MIA2: variants seen among roughly 807,000 people sequenced by gnomAD.
MIA2 encodes MIA SH3 domain ER export factor 2.
Under a neutral mutation model 167.8 loss-of-function variants are expected in MIA2, and 127 were observed. The ratio of observed to expected loss-of-function variants is 0.76; its 90% CI spans 0.66 to 0.88. MIA2 has a LOEUF of 0.88. MIA2 is among the 40% of genes least tolerant of loss of function. The pLI is 0.00. For missense variants in MIA2, 1,690 were observed against 1,624.7 expected (o/e 1.04, Z -0.69); for synonymous variants, 552 against 541.9 (o/e 1.02, Z -0.26).
chr14:39,289,862 C>T (rs2060489549), intron 9 of MIA2, among the ~76,000 whole-genome samples: 1 of 152,174 alleles, frequency 6.6e-6, no homozygotes, highest in Admixed American at 6.5e-5. Context: ...GAATCTGTGT[C>T]TTGTGTCTTA....
chr14:39,295,801 G>A (rs1233238000), intron 13 of MIA2, among the ~76,000 whole-genome samples: 2 of 152,058 alleles, frequency 1.3e-5, no homozygotes, highest in South Asian at 2.1e-4. Flanking sequence ...CTCGTGATCC[G>A]CCTGCCTCGG....
chr14:39,379,570 G>A (rs1290254194), intron 23 of MIA2, among the ~76,000 whole-genome samples: 4 of 151,402 alleles, frequency 2.6e-5, no homozygotes, highest in Non-Finnish European at 5.9e-5. Flanking sequence ...TTGCAAGCTA[G>A]GCTGGGGGTG....
chr14:39,276,659 G>A (rs2058046069), intron 6 of MIA2: 4 of 331,584 alleles, frequency 1.2e-5, no homozygotes, highest in Non-Finnish European at 2.3e-5. Context: ...AGGTCACTCA[G>A]TTTCTTTCTT....
chr14:39,317,333 G>A (rs1325030161), intron 21 of MIA2, among the ~76,000 whole-genome samples: 1 of 152,148 alleles, frequency 6.6e-6, no homozygotes, highest in Non-Finnish European at 1.5e-5. Context: ...ACGGGTCTGG[G>A]CAGAAGACAG....
chr14:39,359,537 T>G (rs1253898650), intron 23 of MIA2, among the ~76,000 whole-genome samples: 1 of 152,156 alleles, frequency 6.6e-6, no homozygotes, highest in Non-Finnish European at 1.5e-5. Flanking sequence ...TGGCTCACAC[T>G]CTGTGTGCTG....
At chr14:39,321,842 C>A (rs992070653) in intron 24 of MIA2, among the ~76,000 whole-genome samples, 3 of 151,076 alleles carry the variant, frequency 2.0e-5, no homozygotes, top group African/African-American at 7.3e-5. Context: ...CTCACTGCAA[C>A]CTCTGCCTCC....
At chr14:39,271,280 G>T (rs1018147428) in intron 6 of MIA2, among the ~76,000 whole-genome samples, 1 of 152,018 alleles carries the variant, frequency 6.6e-6, no homozygotes, top group Non-Finnish European at 1.5e-5. Flanking sequence ...AAATTTAAGG[G>T]TTTATTTCTG....
At chr14:39,347,687 T>TA in intron 26 of MIA2, 26 bp from the exon 27 acceptor site, 3 of 1,606,902 alleles carry the variant, frequency 1.9e-6, no homozygotes, top group South Asian at 2.2e-5. Flanking sequence ...ATCATGTACT[T>TA]TTCATGGTTT....
chr14:39,379,603 G>T (rs2075112372), intron 23 of MIA2, among the ~76,000 whole-genome samples: 1 of 151,964 alleles, frequency 6.6e-6, no homozygotes, highest in South Asian at 2.1e-4. Flanking sequence ...TGTAATCCCA[G>T]CACTTTGGGA....
chr14:39,347,787 GT>G lies in MIA2; in HGVS notation c.3837+17del, dbSNP rs1295135069. 6.7e-7 allele frequency: 1 copy of G among 1,483,896 alleles called. No homozygotes were observed. Among genetic ancestry groups the G allele is most frequent in the African/African-American group, 1.4e-5 (1 of 70,974 alleles). 91.9% of individuals were successfully genotyped at this position (1,483,896 alleles called of 1,614,324 possible). A position where few individuals can be genotyped will look rare whatever the true frequency, so the allele number is the denominator to read the frequency against. ...TGATCTTGGTGTAAGTATTGAAAGAGTGGAATTGTATGCATGTATTCAGAAG... is the reference window on the plus strand; with the variant it reads ...TGATCTTGGTGTAAGTATTGAAAGAGGGAATTGTATGCATGTATTCAGAAG... On this transcript the variant is annotated intron_variant, in intron 27 of 28. Coordinates refer to ENST00000640607, the MANE Select transcript of MIA2 (RefSeq NM_001329214.4).
At chr14:39,314,959 A>G (rs559809334) in intron 20 of MIA2, 160 bp downstream of exon 20, 1 of 503,380 alleles carries the variant, frequency 2.0e-6, no homozygotes, top group Non-Finnish European at 3.2e-6. Flanking sequence ...CCCAGGAGCC[A>G]AAGATTCTGA....
chr14:39,364,187 GTC>G (rs1187138766), intron 23 of MIA2, among the ~76,000 whole-genome samples: 4 of 152,064 alleles, frequency 2.6e-5, no homozygotes, highest in African/African-American at 9.7e-5. Context: ...GTGAAACCCT[GTC>G]TCTACTAAAA....
chr14:39,369,791 C>T (rs2074897997), intron 23 of MIA2, among the ~76,000 whole-genome samples: 3 of 152,032 alleles, frequency 2.0e-5, no homozygotes, highest in South Asian at 2.1e-4. Context: ...GAAGTGATAG[C>T]GACATGAATA....
At chr14:39,372,010 A>G (rs1255744226) in intron 23 of MIA2, among the ~76,000 whole-genome samples, 1 of 151,990 alleles carries the variant, frequency 6.6e-6, no homozygotes, top group East Asian at 1.9e-4. Flanking sequence ...GGATGGCTCT[A>G]ACTCTTCTGT....
At chr14:39,320,841 T>TGATG in intron 23 of MIA2, 87 bp from the exon 24 acceptor site, 2 of 1,419,784 alleles carry the variant, frequency 1.4e-6, no homozygotes, top group Non-Finnish European at 1.9e-6. Context: ...TAGGATGACC[T>TGATG]GATGGTAATT....
chr14:39,253,540 G>C (rs1338133306), intron 6 of MIA2: 1 of 245,000 alleles, frequency 4.1e-6, no homozygotes, highest in Non-Finnish European at 7.7e-6. Flanking sequence ...GCTGAGGCAG[G>C]AGGATCCTTT....
At chr14:39,330,555 G>A (rs543043522) in intron 25 of MIA2, among the ~76,000 whole-genome samples, 1 of 152,034 alleles carries the variant, frequency 6.6e-6, no homozygotes, top group Admixed American at 6.5e-5. Context: ...GTGATGTTTG[G>A]GTGTTGATTT....
At chr14:39,242,033 G>C (rs763947782) in intron 3 of MIA2, among the ~76,000 whole-genome samples, 1 of 152,208 alleles carries the variant, frequency 6.6e-6, no homozygotes, top group Non-Finnish European at 1.5e-5. Flanking sequence ...CATTAGGCCT[G>C]AGATTAAACA....
intron 23 of MIA2, among the ~76,000 whole-genome samples, chr14:39,358,880 A>G (rs2074602726): frequency 6.6e-6 from 1 of 152,198 alleles, no homozygotes; most frequent in South Asian, 2.1e-4. Context: ...ATTGGTGAAC[A>G]GCCAATGTTG....
Sources: gnomAD v4.1 joint callset for allele counts (sites outside exome capture counted in the v4.1 genomes callset) on GRCh38, gnomAD v4.1.1 for gene constraint, MANE v1.5 for transcripts, NCBI Gene and HGNC (gene_info 2026-07-23, HGNC 2026-07-21) for gene names.